Variants in OXNAD1 observed in about 807,000 individuals in gnomAD.
The protein encoded by OXNAD1 is oxidoreductase NAD-binding domain-containing protein 1.
In OXNAD1, 34 loss-of-function variants were observed where a neutral mutation model predicts 32.9. The observed-to-expected ratio is 1.03, with a 90% CI of 0.79 to 1.38. The LOEUF (loss-of-function observed/expected upper bound fraction) is 1.38. Among genes scored for constraint, OXNAD1 ranks in the 40% most tolerant of loss-of-function variants. The pLI, the probability that OXNAD1 is intolerant of heterozygous loss-of-function variation, is 0.00. For synonymous variants in OXNAD1, 134 were observed against 135.2 expected, an observed-to-expected ratio of 0.99 and a Z score of 0.06; for missense variants, 407 against 379.4, an observed-to-expected ratio of 1.07 and a Z score of -0.60.
Position 16,317,097 on chromosome 3 carries a change from C to T in OXNAD1, c.*30+13505C>T. The T allele has an allele frequency of 1.2e-6, 2 of 1,613,978 alleles. No homozygotes were observed. On this transcript the variant is annotated intron_variant, in intron 9 of 9. Transcript: ENST00000435829. This position sits in a 1 kb window ranked among gnomAD's most constrained non-coding sequence, Gnocchi z 4.3. ...TGTCCTGAAACACAGTTTCCCATGTCTCCAGCTTTGGAAGACTGGTCTTCT... is the reference window on the plus strand; with the variant it reads ...TGTCCTGAAACACAGTTTCCCATGTTTCCAGCTTTGGAAGACTGGTCTTCT...
At chr3:16,309,019 A>G (rs1271777922), downstream of OXNAD1, among the ~76,000 whole-genome samples, 3 of 152,186 alleles carry the variant, frequency 2.0e-5, no homozygotes, top group African/African-American at 4.8e-5. Flanking sequence ...CCCCCATCCT[A>G]TTCCCTTGCC....
Position 16,329,735 on chromosome 3 carries a change from A to G in OXNAD1, c.*31-7377A>G, listed in dbSNP as rs2070116786. On this transcript the variant is annotated intron_variant, in intron 9 of 9. Transcript: ENST00000435829. This position sits in a 1 kb window ranked among gnomAD's most constrained non-coding sequence, Gnocchi z 4.5. ...TCTCAAGCTTTGCGAGGTTATGATT[A>G]CTTGGGCCTATCAAGAATAACCTTC... Among the ~76,000 whole-genome samples the G allele has an allele frequency of 6.6e-6, 1 of 152,198 alleles. No individual in the cohort carries two copies. The highest frequency in any genetic ancestry group is 1.9e-4 in the East Asian group (1 of 5,192).
rs1388305464 is a variant in OXNAD1 at position 16,277,444 on chromosome 3, G to A, written c.183+5722G>A. 6.6e-6 allele frequency among the ~76,000 whole-genome samples: 1 copy of A among 152,188 alleles called. No homozygotes were observed. The highest frequency in any genetic ancestry group is 6.5e-5 in the Admixed American group (1 of 15,282). On this transcript the variant is annotated intron_variant, in intron 4 of 8. Coordinates refer to ENST00000285083, the MANE Select transcript of OXNAD1 (RefSeq NM_138381.5). The surrounding 1 kb of genome is among the most constrained non-coding windows in gnomAD (Gnocchi z 4.3). ...TGGCACCTCAGGTTTGGCCATAACA[G>A]AACTGGATCAGCTTCTTATAGTCTC... is the stretch of plus-strand genomic sequence containing the variant.
At position 16,265,695 on chromosome 3, in the gene OXNAD1, G is replaced by A. The variant is rs1429385450; in HGVS notation, c.-159+190G>A. ...TTTATTATTGGGAAGTTATGTGCCA[G>A]CTATTGCACTAAGTGGAATTGTCAA... On this transcript the variant is annotated intron_variant, in intron 1 of 8. Coordinates refer to ENST00000285083, the MANE Select transcript of OXNAD1 (RefSeq NM_138381.5). This position sits in a 1 kb window ranked among gnomAD's most constrained non-coding sequence, Gnocchi z 4.8. 2 of 170,942 alleles carry A rather than the reference G, an allele frequency of 1.2e-5. No homozygotes were observed. The highest frequency in any genetic ancestry group is 4.8e-5 in the African/African-American group (2 of 41,778). 10.6% of individuals were successfully genotyped at this position (170,942 alleles called of 1,614,324 possible).
rs1302796518 is a variant in OXNAD1, at chr3:16,297,847, C to T, written c.432+2850C>T. 5.3e-5 allele frequency among the ~76,000 whole-genome samples: 8 copies of T among 152,030 alleles called. No homozygotes were observed. The highest frequency in any genetic ancestry group is 5.2e-4 in the Admixed American group (8 of 15,264). ...ATTACTGTAAAGGTAGGATCGATAG[C>T]ACAGGGGAATATTTTCAGGGGGTGA... On this transcript the variant is annotated intron_variant, in intron 6 of 8. Transcript: ENST00000285083. This position sits in a 1 kb window ranked among gnomAD's most constrained non-coding sequence, Gnocchi z 4.3.
At chr3:16,307,636 A>AT (rs2067655154), downstream of OXNAD1, among the ~76,000 whole-genome samples, 1 of 152,232 alleles carries the variant, frequency 6.6e-6, no homozygotes, top group Non-Finnish European at 1.5e-5. Flanking sequence ...TTTTAAAGAA[A>AT]TTTACTATAA....
intron 9 of OXNAD1, chr3:16,326,918 G>A (rs2069760084): frequency 1.3e-6 from 2 of 1,503,210 alleles, no homozygotes; most frequent in African/African-American, 1.4e-5. Flanking sequence ...GCTGCCACAA[G>A]CCAACTCCCA....
downstream of OXNAD1, among the ~76,000 whole-genome samples, chr3:16,310,318 TCAA>T (rs1575177732): frequency 6.6e-6 from 1 of 152,140 alleles, no homozygotes; most frequent in East Asian, 1.9e-4. Context: ...CATTGAACAA[TCAA>T]CAAGATAGGA....
chr3:16,295,032 G>A (rs1193148329), intron 6 of OXNAD1, 35 bp downstream of exon 6: 1 of 1,557,272 alleles, frequency 6.4e-7, no homozygotes, highest in Non-Finnish European at 8.7e-7. Flanking sequence ...CGATGATCTG[G>A]GTATCTCTGC....
At position 16,329,163 on chromosome 3, in the gene OXNAD1, T is replaced by G. The variant is rs2070036703; in HGVS notation, c.*31-7949T>G. On this transcript the variant is annotated intron_variant, in intron 9 of 9. Coordinates refer to the OXNAD1 transcript ENST00000435829. This position sits in a 1 kb window ranked among gnomAD's most constrained non-coding sequence, Gnocchi z 4.5. Reference sequence around the variant, plus strand: ...TCAGTCTCCTGCTCTCTCCCCTCTTTTCTGCGCTTCCGCCTCGGGATGACG... The same window carrying G: ...TCAGTCTCCTGCTCTCTCCCCTCTTGTCTGCGCTTCCGCCTCGGGATGACG... Among the ~76,000 whole-genome samples the G allele has an allele frequency of 6.6e-6, 1 of 152,182 alleles. No individual in the cohort carries two copies. Among genetic ancestry groups the G allele is most frequent in the South Asian group, 2.1e-4 (1 of 4,830 alleles).
Position 16,294,918 on chromosome 3 carries a change from G to T in OXNAD1, c.353G>T (p.Arg118Ile). 1 of 1,613,576 alleles carries T rather than the reference G, an allele frequency of 6.2e-7. No homozygotes were observed. The highest frequency in any genetic ancestry group is 8.5e-7 in the Non-Finnish European group (1 of 1,179,734). Reference sequence around the variant, plus strand: ...GGGTTTTCAATATGCTCCAGTCCCAGACTGCTAGAACAAGAGAGAGTGATA... The same window carrying T: ...GGGTTTTCAATATGCTCCAGTCCCATACTGCTAGAACAAGAGAGAGTGATA... ...VGGFSICSSP[R>I]LLEQERVIEL... The change falls in exon 6 of 9, where the codon AGA becomes ATA. Residue 118 changes from arginine (R) to isoleucine (I), a missense_variant. Arg to Ile is a moderately conservative substitution (Grantham distance 97, BLOSUM62 -3). Transcript: ENST00000285083.
At position 16,271,179 on chromosome 3, in the gene OXNAD1, T is replaced by C; in HGVS notation, c.119+108T>C. On this transcript the variant is annotated intron_variant, in intron 3 of 8. Coordinates refer to ENST00000285083, the MANE Select transcript of OXNAD1 (RefSeq NM_138381.5). This position sits in a 1 kb window ranked among gnomAD's most constrained non-coding sequence, Gnocchi z 4.6. ...ACTCCCGGAAAGGTAACACCTTAGCTTCAATGTGCATGCTGTCAGGTTGTT... is the reference window on the plus strand; with the variant it reads ...ACTCCCGGAAAGGTAACACCTTAGCCTCAATGTGCATGCTGTCAGGTTGTT... 1 of 1,306,532 alleles carries C rather than the reference T, an allele frequency of 7.7e-7. No individual in the cohort carries two copies. The highest frequency in any genetic ancestry group is 1.1e-6 in the Non-Finnish European group (1 of 945,010). The allele number at this position is 1,306,532 out of a possible 1,614,324, so 80.9% of individuals were successfully genotyped here.
intron 4 of OXNAD1, among the ~76,000 whole-genome samples, chr3:16,274,301 A>G (rs2065172467): frequency 6.6e-6 from 1 of 152,158 alleles, no homozygotes. Context: ...TTAAATGACT[A>G]TGTATTATGA....
chr3:16,271,638 T>C lies in OXNAD1; in HGVS notation c.120-21T>C. 3 of 1,555,740 alleles carry C rather than the reference T, an allele frequency of 1.9e-6. No homozygotes were observed. The highest frequency in any genetic ancestry group is 2.0e-5 in the Admixed American group (1 of 49,564). On this transcript the variant is annotated intron_variant, in intron 3 of 8. Coordinates refer to ENST00000285083, the MANE Select transcript of OXNAD1 (RefSeq NM_138381.5). This position sits in a 1 kb window ranked among gnomAD's most constrained non-coding sequence, Gnocchi z 4.6. Reference sequence around the variant, plus strand: ...TTTATGAGGATAATATGTAATAACCTAATTTTACTTTCTATTAAAGCATAA... The same window carrying C: ...TTTATGAGGATAATATGTAATAACCCAATTTTACTTTCTATTAAAGCATAA...
intron 9 of OXNAD1, chr3:16,347,817 C>T (rs1399582326): frequency 6.6e-6 from 1 of 152,208 alleles, no homozygotes; most frequent in Non-Finnish European, 1.5e-5. Flanking sequence ...ATGTAATATT[C>T]CTCAATGGGA....
chr3:16,271,396 C>T lies in OXNAD1; in HGVS notation c.120-263C>T, dbSNP rs1339576895. Reference sequence around the variant, plus strand: ...TTTTTGTATTTTTGGTAGAGAAAGGCTTTCTCCATGTTGGCCAGGCTGGTC... The same window carrying T: ...TTTTTGTATTTTTGGTAGAGAAAGGTTTTCTCCATGTTGGCCAGGCTGGTC... On this transcript the variant is annotated intron_variant, in intron 3 of 8. Coordinates refer to ENST00000285083, the MANE Select transcript of OXNAD1 (RefSeq NM_138381.5). This position sits in a 1 kb window ranked among gnomAD's most constrained non-coding sequence, Gnocchi z 4.6. 6.6e-6 allele frequency among the ~76,000 whole-genome samples: 1 copy of T among 152,012 alleles called. No homozygotes were observed.
In OXNAD1 at chr3:16,286,246, T is replaced by G. The variant is rs1332368829; in HGVS notation, c.184-96T>G. Reference sequence around the variant, plus strand: ...TGGCAATTTTCAAAAACCACATCTTTGTAGGTTTCAAAAACCTTAGTTCTC... The same window carrying G: ...TGGCAATTTTCAAAAACCACATCTTGGTAGGTTTCAAAAACCTTAGTTCTC... On this transcript the variant is annotated intron_variant, in intron 4 of 8. Coordinates refer to ENST00000285083, the MANE Select transcript of OXNAD1 (RefSeq NM_138381.5). 9 of 941,366 alleles carry G rather than the reference T, an allele frequency of 9.6e-6. No individual in the cohort carries two copies. In the African/African-American group the frequency reaches 1.1e-4, roughly 12 times the overall value. 58.3% of individuals were successfully genotyped at this position (941,366 alleles called of 1,614,324 possible). A position where few individuals can be genotyped will look rare whatever the true frequency, so the allele number is the denominator to read the frequency against.
At position 16,271,734 on chromosome 3, in the gene OXNAD1, T is replaced by TG; in HGVS notation, c.183+16dup. Reference sequence around the variant, plus strand: ...TCCTTCGACGGGAGGTTTGTATCTTTGGGGTATGACAGGTTTTTCCAGCTA... The same window carrying TG: ...TCCTTCGACGGGAGGTTTGTATCTTTGGGGGTATGACAGGTTTTTCCAGCTA... On this transcript the variant is annotated intron_variant, in intron 4 of 8. Coordinates refer to ENST00000285083, the MANE Select transcript of OXNAD1 (RefSeq NM_138381.5). The surrounding 1 kb of genome is among the most constrained non-coding windows in gnomAD (Gnocchi z 4.6). 1 of 1,604,254 alleles carries TG rather than the reference T, an allele frequency of 6.2e-7. No homozygotes were observed. The highest frequency in any genetic ancestry group is 8.5e-7 in the Non-Finnish European group (1 of 1,177,296).
Position 16,298,989 on chromosome 3 carries a change from C to T in OXNAD1, c.433-2637C>T, listed in dbSNP as rs1346948356. ...TCCCGGATGCTACCAAATCAGAATACAGACCTACCGAAGATTATTTTGTCG... is the reference window on the plus strand; with the variant it reads ...TCCCGGATGCTACCAAATCAGAATATAGACCTACCGAAGATTATTTTGTCG... On this transcript the variant is annotated intron_variant, in intron 6 of 8. Coordinates refer to ENST00000285083, the MANE Select transcript of OXNAD1 (RefSeq NM_138381.5). This position sits in a 1 kb window ranked among gnomAD's most constrained non-coding sequence, Gnocchi z 5.1. Among the ~76,000 whole-genome samples, 2 of 152,178 alleles carry T rather than the reference C, an allele frequency of 1.3e-5. No individual in the cohort carries two copies. The highest frequency in any genetic ancestry group is 2.9e-5 in the Non-Finnish European group (2 of 68,020).
Sources: gnomAD v4.1 joint callset for allele counts (sites outside exome capture counted in the v4.1 genomes callset) on GRCh38, gnomAD v4.1.1 for gene constraint, Gnocchi (gnomAD v3.1) non-coding constraint, MANE v1.5 for transcripts, NCBI Gene and HGNC (gene_info 2026-07-23, HGNC 2026-07-21) for gene names.